Variants in TRPM3 observed in about 807,000 individuals in gnomAD.
TRPM3 encodes the protein long transient receptor potential channel 3.
A neutral mutation model predicts 181.2 loss-of-function variants in TRPM3; 77 were observed. That is an observed-to-expected ratio of 0.42 (90% CI 0.35 to 0.51). The LOEUF is 0.51. TRPM3 is among the 20% of genes least tolerant of loss of function. The pLI is 0.01. For synonymous variants in TRPM3, 745 were observed against 796.4 expected (o/e 0.94, Z 1.09); for missense variants, 1,759 against 2,196.7 (o/e 0.80, Z 3.98).
chr9:70,910,854 C>A (rs2096530413), intron 1 of TRPM3, among the ~76,000 whole-genome samples: 2 of 152,126 alleles, frequency 1.3e-5, no homozygotes, highest in Non-Finnish European at 2.9e-5. Flanking sequence ...CTCAGCGCTG[C>A]TAAAGGGAAT....
chr9:70,556,308 G>A (rs142679010), intron 22 of TRPM3, among the ~76,000 whole-genome samples: 4 of 151,138 alleles, frequency 2.6e-5, no homozygotes, highest in African/African-American at 9.7e-5. Flanking sequence ...TTTGTTTGGC[G>A]CCGGGAACCT....
chr9:70,686,801 C>T (rs557919216), intron 8 of TRPM3, among the ~76,000 whole-genome samples: 1 of 144,794 alleles, frequency 6.9e-6, no homozygotes, highest in East Asian at 2.0e-4. Flanking sequence ...CTCCCTCCCT[C>T]CCTCTTTCTT....
intron 1 of TRPM3, among the ~76,000 whole-genome samples, chr9:71,350,661 T>G (rs1030799778): frequency 6.6e-6 from 1 of 152,250 alleles, no homozygotes; most frequent in Non-Finnish European, 1.5e-5. Flanking sequence ...GCTTTTACAT[T>G]GATTTTTGAA....
At chr9:71,041,894 C>T (rs1056682378) in intron 1 of TRPM3, among the ~76,000 whole-genome samples, 1 of 152,052 alleles carries the variant, frequency 6.6e-6, no homozygotes, top group Non-Finnish European at 1.5e-5. Flanking sequence ...CTCAATCCTG[C>T]CTCAATATTT....
At chr9:71,120,084 C>G (rs189336738) in intron 1 of TRPM3, among the ~76,000 whole-genome samples, 7 of 152,268 alleles carry the variant, frequency 4.6e-5, no homozygotes, top group Admixed American at 4.6e-4. Flanking sequence ...TAACTGTCCC[C>G]ATCAAATCTT....
intron 1 of TRPM3, among the ~76,000 whole-genome samples, chr9:70,990,784 AACT>A (rs923876590): frequency 5.6e-4 from 86 of 152,298 alleles, no homozygotes; most frequent in Middle Eastern, 3.4e-3. Context: ...CAAATTTTAG[AACT>A]ACTAAGTTTT....
chr9:71,388,418 T>C (rs2132927534), intron 1 of TRPM3, among the ~76,000 whole-genome samples: 1 of 152,228 alleles, frequency 6.6e-6, no homozygotes, highest in South Asian at 2.1e-4. Context: ...CACAAATCAT[T>C]CCCCACAAAA....
At chr9:70,995,154 T>C (rs562430039) in intron 1 of TRPM3, among the ~76,000 whole-genome samples, 1 of 152,324 alleles carries the variant, frequency 6.6e-6, no homozygotes, top group Non-Finnish European at 1.5e-5. Context: ...TACACTAGGC[T>C]GAAAATTAGT....
At chr9:71,430,020 A>C (rs78683608) in intron 1 of TRPM3, among the ~76,000 whole-genome samples, 4,367 of 152,176 alleles carry the variant, frequency 0.029, 186 homozygotes, top group Admixed American at 0.12. Context: ...CTTAGCTCAA[A>C]TGGTGCCCCC....
chr9:70,969,358 T>G (rs1932925), intron 1 of TRPM3, among the ~76,000 whole-genome samples: 109,196 of 151,580 alleles, frequency 0.72, 39,576 homozygotes, highest in Middle Eastern at 0.77. Flanking sequence ...AACCACCATG[T>G]CACGTGTACA....
chr9:70,944,120 A>G (rs192587000), intron 1 of TRPM3, among the ~76,000 whole-genome samples: 49 of 152,330 alleles, frequency 3.2e-4, no homozygotes, highest in African/African-American at 1.1e-3. Context: ...CCATAGGGTT[A>G]TACAAGTGAC....
chr9:70,645,905 A>T (rs534875726), intron 9 of TRPM3, among the ~76,000 whole-genome samples: 17 of 152,238 alleles, frequency 1.1e-4, no homozygotes, highest in Non-Finnish European at 2.2e-4. Flanking sequence ...ACCTGATCAA[A>T]AAGTGGGCAA....
rs150321576 is a variant in TRPM3 at position 71,399,555 on chromosome 9, G to A, written c.183+47098C>T. On this transcript the variant is annotated intron_variant, in intron 1 of 24. Transcript: ENST00000357533. ...TTTTTTTTTTTTTTTTTGAGAAGGA[G>A]TCTCACTCTGTGGCCCAGGATGGAG... Among the ~76,000 whole-genome samples, 801 of 120,944 alleles carry A rather than the reference G, an allele frequency of 6.6e-3. 13 individuals carry two copies. Among genetic ancestry groups the A allele is most frequent in the African/African-American group, 0.023 (751 of 32,468 alleles). The allele number at this position is 120,944 out of a possible 152,430, so 79.3% of individuals were successfully genotyped here. A position where few individuals can be genotyped will look rare whatever the true frequency, so the allele number is the denominator to read the frequency against.
At chr9:71,103,691 T>C (rs2068845721) in intron 1 of TRPM3, among the ~76,000 whole-genome samples, 1 of 152,178 alleles carries the variant, frequency 6.6e-6, no homozygotes, top group African/African-American at 2.4e-5. Flanking sequence ...AGACTATCTT[T>C]TCTTCCTATA....
At chr9:70,776,357 G>A (rs935937829) in intron 7 of TRPM3, 2 of 661,304 alleles carry the variant, frequency 3.0e-6, no homozygotes, top group Non-Finnish European at 5.5e-6. Context: ...TTCCAATGCT[G>A]GCCCCTGGAA....
Position 71,301,019 on chromosome 9 carries a change from G to A in TRPM3, c.183+145634C>T, listed in dbSNP as rs550665776. Among the ~76,000 whole-genome samples the A allele has an allele frequency of 2.0e-5, 3 of 151,556 alleles. No homozygotes were observed. In the South Asian group the frequency reaches 6.2e-4, roughly 31 times the overall value. On this transcript the variant is annotated intron_variant, in intron 1 of 24. Coordinates refer to the TRPM3 transcript ENST00000357533. The stretch of plus-strand genomic sequence containing the variant: ...TTAAACCGAGGCTTCATTTCACCAC[G>A]CTCTCATTTCATCACCATCAAATGA...
intron 25 of TRPM3, among the ~76,000 whole-genome samples, chr9:70,541,832 T>A (rs904214436): frequency 1.2e-3 from 179 of 151,922 alleles, no homozygotes; most frequent in Non-Finnish European, 2.2e-3. Context: ...TTTAAAAAAA[T>A]TTTTTTGAGG....
chr9:71,295,666 CAAAT>C (rs1565434129), intron 1 of TRPM3, among the ~76,000 whole-genome samples: 1 of 151,248 alleles, frequency 6.6e-6, no homozygotes, highest in African/African-American at 2.4e-5. Context: ...TGTATTTGTA[CAAAT>C]AAATAAGTAA....
At chr9:71,017,311 T>C (rs959571768) in intron 1 of TRPM3, among the ~76,000 whole-genome samples, 1 of 151,862 alleles carries the variant, frequency 6.6e-6, no homozygotes, top group Non-Finnish European at 1.5e-5. Flanking sequence ...AGAAAACAAA[T>C]AGTATGGTGG....
Sources: gnomAD v4.1 joint callset for allele counts (sites outside exome capture counted in the v4.1 genomes callset) on GRCh38, gnomAD v4.1.1 for gene constraint, MANE v1.5 for transcripts, NCBI Gene and HGNC (gene_info 2026-07-23, HGNC 2026-07-21) for gene names.